SVOP: variants seen among roughly 807,000 people sequenced by gnomAD.
SVOP encodes synaptic vesicle 2-related protein.
Under a neutral mutation model 69.1 loss-of-function variants are expected in SVOP, and 17 were observed. That is an observed-to-expected ratio of 0.25 (90% CI 0.17 to 0.37). The LOEUF is 0.37. Ranked by LOEUF, SVOP falls within the 10% of genes least tolerant of loss-of-function variation. The probability of loss-of-function intolerance (pLI) is 1.00; values close to 1 mark genes in which losing one functional copy is unlikely to be tolerated. For missense variants in SVOP, 435 were observed against 597.5 expected (o/e 0.73, Z 2.84); for synonymous variants, 238 against 238.6 (o/e 1.00, Z 0.02).
intron 6 of SVOP, among the ~76,000 whole-genome samples, chr12:108,948,422 T>C (rs1566054841): frequency 6.6e-6 from 1 of 152,206 alleles, no homozygotes; most frequent in Non-Finnish European, 1.5e-5. Flanking sequence ...CTATCATCAG[T>C]AAAAGTCCTA....
At chr12:108,964,789 G>A (rs1408021675) in intron 5 of SVOP, among the ~76,000 whole-genome samples, 3 of 152,076 alleles carry the variant, frequency 2.0e-5, no homozygotes, top group African/African-American at 7.2e-5. Context: ...TAGATTGATA[G>A]CTCCTTCCTT....
At chr12:108,943,437 A>G (rs892099905) in intron 7 of SVOP, among the ~76,000 whole-genome samples, 3 of 151,586 alleles carry the variant, frequency 2.0e-5, no homozygotes, top group Non-Finnish European at 4.4e-5. Flanking sequence ...TCTACTAAAA[A>G]TACAAAAAAA....
At chr12:108,978,512 G>A (rs534804576) in intron 3 of SVOP, 66 bp downstream of exon 3, 10 of 688,292 alleles carry the variant, frequency 1.5e-5, no homozygotes, top group African/African-American at 1.4e-4. Context: ...TGTAGGCCAT[G>A]GAAACCCAGT....
At chr12:108,997,358 CTG>C (rs1566065776) in intron 1 of SVOP, among the ~76,000 whole-genome samples, 4 of 151,710 alleles carry the variant, frequency 2.6e-5, no homozygotes, top group Non-Finnish European at 5.9e-5. Context: ...TGAGATCAAA[CTG>C]CAAGGCGGCA....
chr12:108,939,088 C>A, intron 8 of SVOP, 133 bp from the exon 9 acceptor site: 1 of 1,236,878 alleles, frequency 8.1e-7, no homozygotes, highest in Non-Finnish European at 1.1e-6. Flanking sequence ...GACTTCAAAT[C>A]CTGGCCCCAC....
At chr12:108,928,633 C>G (rs533995892) in intron 11 of SVOP, among the ~76,000 whole-genome samples, 2 of 150,090 alleles carry the variant, frequency 1.3e-5, no homozygotes, top group East Asian at 4.0e-4. Context: ...GTGGTACAAT[C>G]TCGTCTCACA....
intron 5 of SVOP, among the ~76,000 whole-genome samples, chr12:108,966,978 A>G (rs1001450308): frequency 1.3e-5 from 2 of 152,136 alleles, no homozygotes; most frequent in African/African-American, 4.8e-5. Context: ...TCTCTGTGCC[A>G]AGAGTTTTAT....
At chr12:108,961,552 G>T (rs2040017973) in intron 5 of SVOP, among the ~76,000 whole-genome samples, 1 of 151,436 alleles carries the variant, frequency 6.6e-6, no homozygotes, top group South Asian at 2.1e-4. Context: ...GTTCTTTTCA[G>T]AAAACCATGC....
At chr12:108,924,426 C>G (rs547122742) in intron 11 of SVOP, among the ~76,000 whole-genome samples, 1 of 152,198 alleles carries the variant, frequency 6.6e-6, no homozygotes, top group Non-Finnish European at 1.5e-5. Context: ...TGTGGCATCT[C>G]CATCCTTCCA....
chr12:109,006,597 G>A (rs1198721530), intron 1 of SVOP, among the ~76,000 whole-genome samples: 1 of 152,150 alleles, frequency 6.6e-6, no homozygotes, highest in Non-Finnish European at 1.5e-5. Flanking sequence ...GGGCAAGGCA[G>A]AGGCTGCCGG....
intron 1 of SVOP, among the ~76,000 whole-genome samples, chr12:108,995,565 G>A (rs1183618255): frequency 6.6e-6 from 1 of 152,112 alleles, no homozygotes; most frequent in Non-Finnish European, 1.5e-5. Flanking sequence ...TTCTGGAGAT[G>A]GATGATAGTG....
intron 2 of SVOP, among the ~76,000 whole-genome samples, chr12:108,981,964 ATCATCATCACCACCATCATCT>A (rs1392743660): frequency 2.6e-5 from 4 of 151,792 alleles, no homozygotes; most frequent in African/African-American, 4.8e-5. Context: ...CATCATCTTC[ATCATCATCACCACCATCATCT>A]TCATCATCAC....
intron 1 of SVOP, among the ~76,000 whole-genome samples, chr12:109,006,617 G>A (rs1338038449): frequency 1.3e-5 from 2 of 152,100 alleles, no homozygotes; most frequent in African/African-American, 2.4e-5. Flanking sequence ...GCTTAGGTTC[G>A]GTTCGTTTGA....
In SVOP at chr12:108,907,933, G is replaced by A. The variant is rs191626127; in HGVS notation, c.*4602C>T. 1.3e-5 allele frequency: 2 copies of A among 152,280 alleles called. No homozygotes were observed. Among genetic ancestry groups the A allele is most frequent in the Non-Finnish European group, 2.9e-5 (2 of 68,072 alleles). The allele number at this position is 152,280 out of a possible 1,614,324, so 9.4% of individuals were successfully genotyped here. On this transcript the variant is annotated 3_prime_UTR_variant, in exon 16 of 16. Transcript: ENST00000610966. ...GCAGATTCCAGGCATACCAGCAATTGTCTGCACCACCCTGCTAAAGGGCAG... is the reference window on the plus strand; with the variant it reads ...GCAGATTCCAGGCATACCAGCAATTATCTGCACCACCCTGCTAAAGGGCAG...
Position 108,947,606 on chromosome 12 carries a change from A to G in SVOP, c.579-2440T>C, listed in dbSNP as rs146842939. Among the ~76,000 whole-genome samples, 72 of 152,112 alleles carry G rather than the reference A, an allele frequency of 4.7e-4. 1 individual carries two copies. Among genetic ancestry groups the G allele is most frequent in the African/African-American group, 1.6e-3 (67 of 41,496 alleles). ...TTTGCTTAATGTAACCAGCATCCCA[A>G]CTGCACTGGCTGCCTCTGTCTGCTG... is the stretch of plus-strand genomic sequence containing the variant. On this transcript the variant is annotated intron_variant, in intron 6 of 15. Coordinates refer to ENST00000610966, the MANE Select transcript of SVOP (RefSeq NM_018711.5).
intron 5 of SVOP, among the ~76,000 whole-genome samples, chr12:108,969,572 C>T (rs2040066715): frequency 6.6e-6 from 1 of 151,538 alleles, no homozygotes; most frequent in Non-Finnish European, 1.5e-5. Context: ...GGTCATCCTC[C>T]CACCTCGGCC....
At chr12:109,008,585 T>TA (rs1258660755) in intron 1 of SVOP, among the ~76,000 whole-genome samples, 1 of 152,150 alleles carries the variant, frequency 6.6e-6, no homozygotes, top group Non-Finnish European at 1.5e-5. Flanking sequence ...AAGGTAATGA[T>TA]AAAAAATAAA....
chr12:109,000,014 G>T (rs1241559112), intron 1 of SVOP, among the ~76,000 whole-genome samples: 1 of 146,222 alleles, frequency 6.8e-6, no homozygotes, highest in South Asian at 2.2e-4. Context: ...AAAAATTAAT[G>T]AATCCAGGAG....
chr12:108,965,703 G>A (rs1461587324), intron 5 of SVOP, among the ~76,000 whole-genome samples: 10 of 152,156 alleles, frequency 6.6e-5, no homozygotes, highest in Non-Finnish European at 1.2e-4. Flanking sequence ...TAGAAAGCCT[G>A]GTGCTCGTGG....
Sources: allele counts gnomAD v4.1 joint callset (sites outside exome capture counted in the v4.1 genomes callset), GRCh38; gene constraint gnomAD v4.1.1; transcripts MANE v1.5; gene names NCBI Gene and HGNC (gene_info 2026-07-23, HGNC 2026-07-21).